The following KCNN2 variants were observed in gnomAD, a reference collection of about 807,000 sequenced individuals.
The protein encoded by KCNN2 is potassium calcium-activated channel subfamily N member 2, also known as small conductance calcium-activated potassium channel protein 2.
A neutral mutation model predicts 55.5 loss-of-function variants in KCNN2; 24 were observed. That is an observed-to-expected ratio of 0.43 (90% CI 0.31 to 0.61). The LOEUF (loss-of-function observed/expected upper bound fraction) is 0.61. Ranked by LOEUF, KCNN2 falls within the 20% of genes least tolerant of loss-of-function variation. The pLI is 0.08. For missense variants in KCNN2, 754 were observed against 853.6 expected (o/e 0.88, Z 1.45); for synonymous variants, 431 against 336.1 (o/e 1.28, Z -3.09).
chr5:114,288,641 T>C (rs1470429501), intron 2 of KCNN2, among the ~76,000 whole-genome samples: 3 of 152,204 alleles, frequency 2.0e-5, no homozygotes, highest in South Asian at 2.1e-4. Context: ...CATATTTTCA[T>C]GTGCTTGTTG....
intron 2 of KCNN2, among the ~76,000 whole-genome samples, chr5:114,381,340 ATT>A (rs1043006141): frequency 6.6e-6 from 1 of 151,858 alleles, no homozygotes; most frequent in Admixed American, 6.6e-5. Flanking sequence ...ATTTGTTTCT[ATT>A]TTTTTTAGCT....
chr5:114,136,301 C>T (rs554284215), intron 1 of KCNN2, among the ~76,000 whole-genome samples: 1 of 152,250 alleles, frequency 6.6e-6, no homozygotes, highest in South Asian at 2.1e-4. Flanking sequence ...GAGTTCAGCC[C>T]TCACGTGCTC....
rs192722222 is a variant in KCNN2 at position 114,183,727 on chromosome 5, C to T, written c.-270-37753C>T. ...TGATGTTGGTAATTGTTGTACTCTC[C>T]TTTTTTTTTTTCTTTTTAACTTGAT... On this transcript the variant is annotated intron_variant, in intron 1 of 10. Transcript: ENST00000512097. 3.6e-3 allele frequency among the ~76,000 whole-genome samples: 520 copies of T among 143,694 alleles called. 16 individuals are homozygous for T. Among genetic ancestry groups the T allele is most frequent in the Admixed American group, 0.032 (460 of 14,450 alleles). 94.3% of individuals were successfully genotyped at this position (143,694 alleles called of 152,430 possible).
At chr5:114,168,880 C>T (rs1205340162) in intron 1 of KCNN2, among the ~76,000 whole-genome samples, 1 of 152,056 alleles carries the variant, frequency 6.6e-6, no homozygotes, top group African/African-American at 2.4e-5. Context: ...TATGGTTTGG[C>T]TCTGTGTCCC....
At chr5:114,455,275 G>A (rs1201977355) in intron 3 of KCNN2, among the ~76,000 whole-genome samples, 1 of 152,090 alleles carries the variant, frequency 6.6e-6, no homozygotes, top group Non-Finnish European at 1.5e-5. Context: ...TCACATTTTG[G>A]TAATTCTTGT....
chr5:114,085,870 A>C (rs974354930), intron 1 of KCNN2, among the ~76,000 whole-genome samples: 12 of 152,164 alleles, frequency 7.9e-5, no homozygotes, highest in African/African-American at 2.9e-4. Flanking sequence ...TCCTTTTTTA[A>C]GTTCTGTTCA....
At chr5:114,176,727 AT>A (rs1258329276) in intron 1 of KCNN2, among the ~76,000 whole-genome samples, 1 of 152,210 alleles carries the variant, frequency 6.6e-6, no homozygotes, top group Non-Finnish European at 1.5e-5. Flanking sequence ...TCCAAAGAGC[AT>A]TTGAGAAGCT....
At chr5:114,307,198 A>G (rs1415213738) in intron 2 of KCNN2, among the ~76,000 whole-genome samples, 1 of 152,158 alleles carries the variant, frequency 6.6e-6, no homozygotes, top group Non-Finnish European at 1.5e-5. Context: ...GGTTATCTCA[A>G]GTTCTCCCAG....
chr5:114,056,683 T>G (rs1750216278), intron 1 of KCNN2, among the ~76,000 whole-genome samples: 1 of 152,144 alleles, frequency 6.6e-6, no homozygotes, highest in African/African-American at 2.4e-5. Flanking sequence ...GGTGACTCCC[T>G]TAGGCTATAT....
At chr5:114,150,127 G>A (rs897665495) in intron 1 of KCNN2, among the ~76,000 whole-genome samples, 7 of 152,164 alleles carry the variant, frequency 4.6e-5, no homozygotes, top group Non-Finnish European at 1.0e-4. Context: ...GTCCAACCTG[G>A]CATTGACTTT....
At chr5:114,204,322 C>T (rs1753728461) in intron 1 of KCNN2, among the ~76,000 whole-genome samples, 1 of 152,180 alleles carries the variant, frequency 6.6e-6, no homozygotes, top group African/African-American at 2.4e-5. Flanking sequence ...TAATTCCTGT[C>T]ATTCTGCAGG....
chr5:114,297,449 G>A (rs964064973), intron 2 of KCNN2, among the ~76,000 whole-genome samples: 6 of 152,090 alleles, frequency 3.9e-5, no homozygotes, highest in Non-Finnish European at 7.4e-5. Context: ...AAAAGAATAT[G>A]TGCTACTTGA....
intron 1 of KCNN2, among the ~76,000 whole-genome samples, chr5:114,137,559 A>G (rs1219794779): frequency 1.4e-5 from 2 of 143,972 alleles, no homozygotes. Context: ...AGTACTTCGC[A>G]TAGCATTATG....
chr5:114,388,287 C>G (rs974742993), intron 2 of KCNN2, among the ~76,000 whole-genome samples: 1 of 152,136 alleles, frequency 6.6e-6, no homozygotes, highest in Non-Finnish European at 1.5e-5. Context: ...TTTAAACATT[C>G]ATTTCTTTCT....
intron 3 of KCNN2, among the ~76,000 whole-genome samples, chr5:114,454,778 A>G (rs1214357645): frequency 2.6e-5 from 4 of 152,150 alleles, no homozygotes; most frequent in Middle Eastern, 3.2e-3. Flanking sequence ...CATTCTGTAT[A>G]CTTACAGTTA....
chr5:114,189,825 A>G (rs1272591455), intron 1 of KCNN2, among the ~76,000 whole-genome samples: 5 of 152,170 alleles, frequency 3.3e-5, no homozygotes, highest in Non-Finnish European at 5.9e-5. Flanking sequence ...AATGTGATAA[A>G]AATAGCATTG....
At chr5:114,278,566 C>T (rs1305838624) in intron 2 of KCNN2, among the ~76,000 whole-genome samples, 1 of 152,248 alleles carries the variant, frequency 6.6e-6, no homozygotes, top group East Asian at 1.9e-4. Context: ...CTACTTAAGC[C>T]TCAGCAATGG....
chr5:114,404,931 A>T, intron 3 of KCNN2, 75 bp downstream of exon 3: 1 of 1,332,244 alleles, frequency 7.5e-7, no homozygotes, highest in Non-Finnish European at 1.0e-6. Flanking sequence ...AAAATTTTAG[A>T]CTTGAGACGT....
At chr5:114,139,451 A>C (rs556725346) in intron 1 of KCNN2, among the ~76,000 whole-genome samples, 52 of 126,960 alleles carry the variant, frequency 4.1e-4, no homozygotes, top group African/African-American at 1.3e-3. Context: ...ACACACACTC[A>C]CACAACCACC....
Sources: gnomAD v4.1 joint callset for allele counts (sites outside exome capture counted in the v4.1 genomes callset) on GRCh38, gnomAD v4.1.1 for gene constraint, MANE v1.5 for transcripts, NCBI Gene and HGNC (gene_info 2026-07-23, HGNC 2026-07-21) for gene names.